The following MARK1 variants were observed in gnomAD, a reference collection of about 807,000 sequenced individuals.
MARK1 encodes the protein microtubule affinity regulating kinase 1, also known as serine/threonine-protein kinase MARK1.
A neutral mutation model predicts 96.3 loss-of-function variants in MARK1; 40 were observed. The ratio of observed to expected loss-of-function variants is 0.42; its 90% CI spans 0.32 to 0.54. The LOEUF (loss-of-function observed/expected upper bound fraction) is 0.54. Ranked by LOEUF, MARK1 falls within the 20% of genes least tolerant of loss-of-function variation. The probability of loss-of-function intolerance (pLI) is 0.16; values close to 1 mark genes in which losing one functional copy is unlikely to be tolerated. For missense variants in MARK1, 719 were observed against 984.6 expected (o/e 0.73, Z 3.61); for synonymous variants, 317 against 341.2 (o/e 0.93, Z 0.78).
chr1:220,585,993 A>ACG (rs1181559453), intron 3 of MARK1, among the ~76,000 whole-genome samples: 2 of 18,854 alleles, frequency 1.1e-4, no homozygotes, highest in Admixed American at 1.0e-3. Flanking sequence ...ATACACACAC[A>ACG]CACACACACA....
chr1:220,562,280 C>T (rs1056955501), intron 1 of MARK1, among the ~76,000 whole-genome samples: 5 of 151,950 alleles, frequency 3.3e-5, no homozygotes, highest in East Asian at 1.9e-4. Context: ...GCCTGGCCAA[C>T]GTGGCGAAAC....
At chr1:220,652,492 C>T (rs191397422) in intron 15 of MARK1, among the ~76,000 whole-genome samples, 33 of 152,160 alleles carry the variant, frequency 2.2e-4, no homozygotes, top group Admixed American at 1.4e-3. Flanking sequence ...AGTTGAGACC[C>T]GCAGATAATG....
chr1:220,581,012 A>T (rs1460471924), intron 2 of MARK1, 53 bp from the exon 3 acceptor site: 1 of 722,722 alleles, frequency 1.4e-6, no homozygotes, highest in East Asian at 3.0e-5. Flanking sequence ...TGAAAGTTTT[A>T]TTCATTAAAA....
At chr1:220,627,101 G>A in intron 9 of MARK1, 1 of 518,118 alleles carries the variant, frequency 1.9e-6, no homozygotes, top group South Asian at 1.5e-5. Flanking sequence ...AACAGCGACT[G>A]TTTGAGAACC....
intron 9 of MARK1, chr1:220,625,928 T>C: frequency 3.7e-6 from 2 of 539,242 alleles, no homozygotes; most frequent in South Asian, 2.9e-5. Flanking sequence ...ACTGAGGAGA[T>C]GACCAAGTAC....
At chr1:220,556,525 A>G (rs773303252) in intron 1 of MARK1, among the ~76,000 whole-genome samples, 2 of 148,508 alleles carry the variant, frequency 1.3e-5, no homozygotes, top group African/African-American at 2.5e-5. Flanking sequence ...AGATTTCATG[A>G]GGAAACTAAC....
At position 220,653,258 on chromosome 1, in the gene MARK1, G is replaced by A. The variant is rs545497455; in HGVS notation, c.1894G>A (p.Ala632Thr). The A allele has an allele frequency of 4.3e-6, 7 of 1,614,200 alleles. No homozygotes were observed. The African/African-American group carries it at 5.3e-5, about 12-fold the overall frequency. The change falls in exon 16 of 18, where the codon GCT (alanine) becomes ACT (threonine). Residue 632 changes from alanine to threonine, a missense_variant. Coordinates refer to ENST00000366917, the MANE Select transcript of MARK1 (RefSeq NM_018650.5). ...CAGCGTTGCTTATAATGGGCCACCTGCTTCACCATCCCATGAAACGGGTGC... is the reference window on the plus strand; with the variant it reads ...CAGCGTTGCTTATAATGGGCCACCTACTTCACCATCCCATGAAACGGGTGC... ...RRSVAYNGPPASPSHETGAFA... is the reference protein window; with the variant it reads ...RRSVAYNGPPTSPSHETGAFA...
At chr1:220,538,157 C>T (rs1214804648) in intron 1 of MARK1, among the ~76,000 whole-genome samples, 2 of 150,940 alleles carry the variant, frequency 1.3e-5, no homozygotes, top group Non-Finnish European at 3.0e-5. Context: ...TTGCCCATGC[C>T]TATGTCCTGA....
At chr1:220,580,484 A>C (rs112573675) in intron 2 of MARK1, among the ~76,000 whole-genome samples, 2 of 152,222 alleles carry the variant, frequency 1.3e-5, no homozygotes, top group East Asian at 1.9e-4. Context: ...TCAAAAAAAA[A>C]ACAAAAACTC....
At chr1:220,534,289 A>G (rs1314060376) in intron 1 of MARK1, among the ~76,000 whole-genome samples, 1 of 152,094 alleles carries the variant, frequency 6.6e-6, no homozygotes, top group Non-Finnish European at 1.5e-5. Context: ...TGATCTTTTC[A>G]TTATACTAGC....
Position 220,579,565 on chromosome 1 carries a change from T to G in MARK1, c.255+8T>G, listed in dbSNP as rs1664092533. The G allele has an allele frequency of 6.2e-7, 1 of 1,612,528 alleles. No homozygotes were observed. Among genetic ancestry groups the G allele is most frequent in the African/African-American group, 1.3e-5 (1 of 74,916 alleles). The stretch of plus-strand genomic sequence containing the variant: ...GTTCTAACTGGTAGAGAGGTAAGTT[T>G]GCACAATGCCTTTTAATATCTGCCT... On this transcript the variant is annotated splice_region_variant and intron_variant, in intron 2 of 17. Transcript: ENST00000366917.
At chr1:220,626,772 A>T (rs1351513269) in intron 9 of MARK1, 2 of 336,792 alleles carry the variant, frequency 5.9e-6, no homozygotes, top group Non-Finnish European at 1.2e-5. Flanking sequence ...CAGTGAGCTG[A>T]TTGCACCAGG....
chr1:220,566,191 A>G (rs953095223), intron 1 of MARK1, among the ~76,000 whole-genome samples: 48 of 152,316 alleles, frequency 3.2e-4, no homozygotes, highest in African/African-American at 1.1e-3. Context: ...GATGACTGCT[A>G]TTACTATTAT....
Position 220,635,393 on chromosome 1 carries a change from G to C in MARK1, c.1140G>C (p.Ser380=), listed in dbSNP as rs148023363. 1 of 1,598,972 alleles carries C rather than the reference G, an allele frequency of 6.3e-7. No individual in the cohort carries two copies. The highest frequency in any genetic ancestry group is 1.8e-5 in the Admixed American group (1 of 56,978). The change falls in exon 12 of 18, where the codon TCG becomes TCC. Residue 380 remains serine (S), a synonymous_variant. Transcript: ENST00000366917. ...RKPPEFEGGE[S]LSSGNLCQRS... ...TCTTATAGTTTGAAGGTGGTGAATCGTTATCCAGTGGAAACTTGTGTCAGA... is the reference window on the plus strand; with the variant it reads ...TCTTATAGTTTGAAGGTGGTGAATCCTTATCCAGTGGAAACTTGTGTCAGA...
chr1:220,587,125 A>G (rs1664673481), intron 3 of MARK1, among the ~76,000 whole-genome samples: 1 of 152,030 alleles, frequency 6.6e-6, no homozygotes, highest in Non-Finnish European at 1.5e-5. Flanking sequence ...ATTTTTAAAA[A>G]CTTTTTTTTA....
In MARK1 at chr1:220,528,139, C is replaced by G. The variant is rs1660030257; in HGVS notation, c.-684C>G. On this transcript the variant is annotated 5_prime_UTR_variant, in exon 1 of 18. Coordinates refer to ENST00000366917, the MANE Select transcript of MARK1 (RefSeq NM_018650.5). ...CCCCCTCGGCTGGCGCCCGCCCACC[C>G]GGCGGCGGCCGCCAAGTGCCTCTGG... 1 of 150,944 alleles carries G rather than the reference C, an allele frequency of 6.6e-6. No homozygotes were observed. The highest frequency in any genetic ancestry group is 2.0e-4 in the East Asian group (1 of 5,126). The allele number at this position is 150,944 out of a possible 1,614,324, so 9.4% of individuals were successfully genotyped here.
At chr1:220,650,556 C>A in intron 13 of MARK1, 64 bp from the exon 14 acceptor site, 1 of 1,040,966 alleles carries the variant, frequency 9.6e-7, no homozygotes, top group South Asian at 1.4e-5. Flanking sequence ...AGCTTAAATA[C>A]ATTTCTTTGG....
chr1:220,612,289 G>C (rs1341899210), intron 6 of MARK1, among the ~76,000 whole-genome samples: 2 of 152,170 alleles, frequency 1.3e-5, no homozygotes, highest in Admixed American at 1.3e-4. Flanking sequence ...TTCCATCTTT[G>C]CTGGTGAGCG....
chr1:220,562,243 T>C (rs931251269), intron 1 of MARK1, among the ~76,000 whole-genome samples: 4 of 152,134 alleles, frequency 2.6e-5, no homozygotes, highest in Non-Finnish European at 5.9e-5. Flanking sequence ...GGCAGGTGGA[T>C]CACTTGAGGC....
Sources: allele counts gnomAD v4.1 joint callset (sites outside exome capture counted in the v4.1 genomes callset), GRCh38; gene constraint gnomAD v4.1.1; transcripts MANE v1.5; gene names NCBI Gene and HGNC (gene_info 2026-07-23, HGNC 2026-07-21).